The following PIP4K2A variants were observed in gnomAD, a reference collection of about 807,000 sequenced individuals.
PIP4K2A encodes phosphatidylinositol 5-phosphate 4-kinase type-2 alpha.
In PIP4K2A, 14 loss-of-function variants were observed where a neutral mutation model predicts 42.9. That is an observed-to-expected ratio of 0.33 (90% CI 0.22 to 0.51). The LOEUF (loss-of-function observed/expected upper bound fraction) is 0.51, where lower values mean the gene tolerates loss of function less well. Ranked by LOEUF, PIP4K2A falls within the 20% of genes least tolerant of loss-of-function variation. The probability of loss-of-function intolerance (pLI) is 0.97; values close to 1 mark genes in which losing one functional copy is unlikely to be tolerated. For synonymous variants in PIP4K2A, 192 were observed against 192.2 expected (o/e 1.00, Z 0.01); for missense variants, 434 against 519.8 (o/e 0.83, Z 1.61).
chr10:22,686,630 A>G (rs567279683), intron 1 of PIP4K2A, among the ~76,000 whole-genome samples: 1 of 152,246 alleles, frequency 6.6e-6, no homozygotes, highest in Non-Finnish European at 1.5e-5. Context: ...CCAACTAATT[A>G]GTTAAAAAAA....
At chr10:22,556,211 G>A (rs149176611) in intron 6 of PIP4K2A, among the ~76,000 whole-genome samples, 15 of 152,216 alleles carry the variant, frequency 9.9e-5, no homozygotes, top group South Asian at 8.3e-4. Flanking sequence ...GAACACAGAG[G>A]GCACATGAGA....
intron 1 of PIP4K2A, among the ~76,000 whole-genome samples, chr10:22,645,225 A>G (rs778586604): frequency 1.3e-5 from 2 of 152,216 alleles, no homozygotes; most frequent in Non-Finnish European, 2.9e-5. Flanking sequence ...CACGTATAAC[A>G]CCACTAGTGT....
intron 3 of PIP4K2A, among the ~76,000 whole-genome samples, chr10:22,593,965 C>T (rs1837568364): frequency 6.6e-6 from 1 of 152,230 alleles, no homozygotes; most frequent in South Asian, 2.1e-4. Flanking sequence ...GACAGTATAA[C>T]GTCCTCTCAT....
chr10:22,598,364 AAAAC>A (rs1837679596), intron 3 of PIP4K2A, among the ~76,000 whole-genome samples: 1 of 152,242 alleles, frequency 6.6e-6, no homozygotes, highest in Admixed American at 6.5e-5. Context: ...TTAAAAAATA[AAAAC>A]AAACAGACAA....
intron 5 of PIP4K2A, among the ~76,000 whole-genome samples, chr10:22,568,640 T>G (rs1836906168): frequency 6.6e-6 from 1 of 152,186 alleles, no homozygotes; most frequent in Admixed American, 6.5e-5. Flanking sequence ...CTTAGAGCTC[T>G]GGGTTGTCTA....
rs148503558 is a variant in PIP4K2A, at chr10:22,601,832, T to C, written c.339+6095A>G. On this transcript the variant is annotated intron_variant, in intron 3 of 9. Transcript: ENST00000376573. ...GTCAAAAACTCAACTCCATCTTCCT[T>C]TCTATCCACCTGTAGCCCCAAACAT... Among the ~76,000 whole-genome samples the C allele has an allele frequency of 3.3e-5, 5 of 152,236 alleles. No homozygotes were observed. The East Asian group carries it at 9.7e-4, about 29-fold the overall frequency.
intron 9 of PIP4K2A, among the ~76,000 whole-genome samples, chr10:22,537,710 G>A (rs1317571631): frequency 3.3e-5 from 5 of 152,304 alleles, no homozygotes; most frequent in Middle Eastern, 3.4e-3. Context: ...CCTTAATGAC[G>A]ATGACTTAAA....
chr10:22,685,081 A>T (rs1839735700), intron 1 of PIP4K2A, among the ~76,000 whole-genome samples: 1 of 152,154 alleles, frequency 6.6e-6, no homozygotes, highest in Admixed American at 6.6e-5. Context: ...TTTTTCAAGA[A>T]GTCTAATGTT....
chr10:22,570,273 G>A (rs1452075686), intron 5 of PIP4K2A, among the ~76,000 whole-genome samples: 16 of 152,228 alleles, frequency 1.1e-4, no homozygotes. Context: ...TATTTTAACA[G>A]ATGAAGAGAC....
chr10:22,541,888 C>T lies in PIP4K2A; in HGVS notation c.952G>A (p.Gly318Arg), dbSNP rs558095760. 24 of 1,613,144 alleles carry T rather than the reference C, an allele frequency of 1.5e-5. No homozygotes were observed. The highest frequency in any genetic ancestry group is 6.7e-5 in the East Asian group (3 of 44,882). The part of the protein sequence containing the change: ...HPVGTPPDSP[G>R]NTLNSSPPLA... ...GGTGGTGAGCTGTTCAGTGTATTCCCGGGGCTATCTGGGGGGGTTCCCACC... is the reference window on the plus strand; with the variant it reads ...GGTGGTGAGCTGTTCAGTGTATTCCTGGGGCTATCTGGGGGGGTTCCCACC... Residue 318 changes from glycine to arginine, a missense_variant, in exon 8 of 10, where the codon GGG becomes AGG. This residue lies in a region of PIP4K2A where 395 missense variants were observed against 444.5 expected (regional missense o/e 0.89). Transcript: ENST00000376573.
intron 6 of PIP4K2A, among the ~76,000 whole-genome samples, chr10:22,557,155 G>C (rs1020379241): frequency 6.6e-6 from 1 of 151,826 alleles, no homozygotes; most frequent in African/African-American, 2.4e-5. Context: ...ATTAAAAAAG[G>C]GAAAACGTAT....
chr10:22,631,005 G>A (rs1838535483), intron 1 of PIP4K2A, among the ~76,000 whole-genome samples: 1 of 152,142 alleles, frequency 6.6e-6, no homozygotes, highest in South Asian at 2.1e-4. Flanking sequence ...TAAAATGACA[G>A]CTTCTCGCGA....
intron 1 of PIP4K2A, among the ~76,000 whole-genome samples, chr10:22,709,569 C>T (rs531529868): frequency 1.3e-5 from 2 of 152,114 alleles, no homozygotes; most frequent in African/African-American, 2.4e-5. Flanking sequence ...TAATTCTTGC[C>T]GGCAACCTAT....
chr10:22,544,147 C>T (rs954561080), intron 7 of PIP4K2A, among the ~76,000 whole-genome samples: 2 of 152,148 alleles, frequency 1.3e-5, no homozygotes, highest in Admixed American at 6.5e-5. Flanking sequence ...CATGACTCTG[C>T]GCTGTGGGTC....
chr10:22,667,286 T>C (rs895181146), intron 1 of PIP4K2A, among the ~76,000 whole-genome samples: 1 of 152,236 alleles, frequency 6.6e-6, no homozygotes, highest in Non-Finnish European at 1.5e-5. Context: ...ATTAATTTAG[T>C]TTCTCAAGTG....
intron 1 of PIP4K2A, among the ~76,000 whole-genome samples, chr10:22,712,573 T>G (rs1833929185): frequency 6.6e-6 from 1 of 152,208 alleles, no homozygotes; most frequent in Non-Finnish European, 1.5e-5. Flanking sequence ...TTAACAAAAT[T>G]ATACATAACT....
chr10:22,540,067 A>G lies in PIP4K2A; in HGVS notation c.1044T>C (p.Pro348=), dbSNP rs754398989. Residue 348 remains proline, a synonymous_variant, in exon 9 of 10, where the codon CCT becomes CCC. Transcript: ENST00000376573. ...VYGIKCHENS[P]RKEVYFMAII... ...TTGCCATGAAGTACACCTCCTTCCT[A>G]GGCGAGTCTGCAGAGACAGGAGAGC... The G allele has an allele frequency of 2.0e-5, 31 of 1,580,792 alleles. No individual in the cohort carries two copies. The East Asian group carries it at 6.4e-4, about 33-fold the overall frequency.
intron 1 of PIP4K2A, among the ~76,000 whole-genome samples, chr10:22,650,836 G>T (rs76678060): frequency 0.015 from 974 of 66,232 alleles, 2 homozygotes; most frequent in African/African-American, 0.03. Context: ...AATCTACTGG[G>T]TTTTTTTTTT....
chr10:22,686,301 T>G (rs1187999026), intron 1 of PIP4K2A, among the ~76,000 whole-genome samples: 1 of 152,208 alleles, frequency 6.6e-6, no homozygotes, highest in East Asian at 1.9e-4. Context: ...AAATTACGTC[T>G]TAACTAAACC....
Sources: gnomAD v4.1 joint callset for allele counts (sites outside exome capture counted in the v4.1 genomes callset) on GRCh38, gnomAD v4.1.1 for gene constraint, gnomAD v4.1.1 regional missense constraint, MANE v1.5 for transcripts, NCBI Gene and HGNC (gene_info 2026-07-23, HGNC 2026-07-21) for gene names.